The following ST18 variants were observed in gnomAD, a reference collection of about 807,000 sequenced individuals.
ST18 encodes suppression of tumorigenicity 18 protein.
Under a neutral mutation model 110.0 loss-of-function variants are expected in ST18, and 50 were observed. The ratio of observed to expected loss-of-function variants is 0.45; its 90% CI spans 0.36 to 0.58. The LOEUF (loss-of-function observed/expected upper bound fraction) is 0.58. Among genes scored for constraint, ST18 ranks in the 20% least tolerant of loss-of-function variants. The pLI, the probability that ST18 is intolerant of heterozygous loss-of-function variation, is 0.00. For missense variants in ST18, 1,306 were observed against 1,280.1 expected (o/e 1.02, Z -0.31); for synonymous variants, 461 against 452.4 (o/e 1.02, Z -0.24).
chr8:52,230,447 A>G lies in ST18; in HGVS notation c.-464-370T>C, dbSNP rs572008469. Among the ~76,000 whole-genome samples, 3 of 152,200 alleles carry G rather than the reference A, an allele frequency of 2.0e-5. No individual in the cohort carries two copies. The East Asian group carries it at 5.8e-4, about 29-fold the overall frequency. The stretch of plus-strand genomic sequence containing the variant: ...AAAAAGAATCAGTGGTTTAACACTA[A>G]TTTCTAATCAGATCCTACAGAAAGG... On this transcript the variant is annotated intron_variant, in intron 2 of 25. Transcript: ENST00000689386.
rs539627690 is a variant in ST18 at position 52,241,112 on chromosome 8, T to G, written c.-464-11035A>C. ...GACTCTTTACCAGTTTTCAAATGTATGTCCTGGGCTTGCCTCTCGCATAGG... is the reference window on the plus strand; with the variant it reads ...GACTCTTTACCAGTTTTCAAATGTAGGTCCTGGGCTTGCCTCTCGCATAGG... On this transcript the variant is annotated intron_variant, in intron 2 of 25. Coordinates refer to ENST00000689386, the MANE Select transcript of ST18 (RefSeq NM_001352837.2). Among the ~76,000 whole-genome samples, 8 of 152,366 alleles carry G rather than the reference T, an allele frequency of 5.3e-5. No homozygotes were observed. In the East Asian group the frequency reaches 5.8e-4, roughly 11 times the overall value.
At chr8:52,322,049 G>T (rs1353699569) in intron 2 of ST18, among the ~76,000 whole-genome samples, 2 of 152,204 alleles carry the variant, frequency 1.3e-5, no homozygotes, top group African/African-American at 4.8e-5. Flanking sequence ...CAACCATTCT[G>T]TACAATACAA....
At chr8:52,132,429 G>C (rs2050057191) in intron 21 of ST18, among the ~76,000 whole-genome samples, 1 of 152,166 alleles carries the variant, frequency 6.6e-6, no homozygotes, top group African/African-American at 2.4e-5. Flanking sequence ...AGCTTAGAGA[G>C]CTCAGGTAAC....
At chr8:52,235,367 G>A (rs1393550728) in intron 2 of ST18, among the ~76,000 whole-genome samples, 1 of 151,990 alleles carries the variant, frequency 6.6e-6, no homozygotes. Flanking sequence ...CAGAGCTCAC[G>A]GTCAGCTCCA....
At chr8:52,120,142 T>C (rs1311210383) in intron 23 of ST18, among the ~76,000 whole-genome samples, 3 of 152,148 alleles carry the variant, frequency 2.0e-5, no homozygotes, top group Admixed American at 6.5e-5. Flanking sequence ...TACTGGTTGG[T>C]GTGCAGGTAC....
chr8:52,291,556 A>T (rs1278971891), intron 2 of ST18, among the ~76,000 whole-genome samples: 1 of 152,228 alleles, frequency 6.6e-6, no homozygotes, highest in African/African-American at 2.4e-5. Flanking sequence ...TACATACATT[A>T]TACTCCAGAT....
At chr8:52,244,012 T>A (rs370964767) in intron 2 of ST18, among the ~76,000 whole-genome samples, 2 of 152,144 alleles carry the variant, frequency 1.3e-5, no homozygotes, top group Non-Finnish European at 2.9e-5. Context: ...TAATGGCCTG[T>A]GTGCTAACGC....
intron 24 of ST18, among the ~76,000 whole-genome samples, chr8:52,118,037 C>T (rs2043182759): frequency 6.6e-6 from 1 of 152,206 alleles, no homozygotes; most frequent in Admixed American, 6.5e-5. Flanking sequence ...CTTTCCATCA[C>T]ATTTTTTTTC....
intron 2 of ST18, among the ~76,000 whole-genome samples, chr8:52,278,630 G>GA (rs530549431): frequency 2.4e-4 from 36 of 152,032 alleles, no homozygotes; most frequent in Non-Finnish European, 4.3e-4. Flanking sequence ...AAGAGAACTA[G>GA]AAAAAAATCA....
At chr8:52,260,196 G>T (rs932402666) in intron 2 of ST18, among the ~76,000 whole-genome samples, 3 of 152,174 alleles carry the variant, frequency 2.0e-5, no homozygotes, top group African/African-American at 4.8e-5. Flanking sequence ...TTGCTGAGGA[G>T]TGTGGTGTAT....
chr8:52,302,229 C>T (rs1028166830), intron 2 of ST18, among the ~76,000 whole-genome samples: 14 of 152,218 alleles, frequency 9.2e-5, no homozygotes, highest in East Asian at 5.8e-4. Context: ...TTCAAAGCCA[C>T]GTCTCCCAGT....
chr8:52,257,888 T>G (rs2094573435), intron 2 of ST18, among the ~76,000 whole-genome samples: 2 of 152,216 alleles, frequency 1.3e-5, no homozygotes, highest in South Asian at 4.1e-4. Context: ...ATCTGTTTTC[T>G]TCCAAGAGTT....
chr8:52,325,490 A>G (rs1805896598), intron 2 of ST18, among the ~76,000 whole-genome samples: 1 of 152,198 alleles, frequency 6.6e-6, no homozygotes, highest in African/African-American at 2.4e-5. Context: ...TCTAAGAATG[A>G]CATATTCCCT....
chr8:52,266,595 G>A (rs919658340), intron 2 of ST18, among the ~76,000 whole-genome samples: 3 of 148,972 alleles, frequency 2.0e-5, no homozygotes, highest in Non-Finnish European at 4.4e-5. Context: ...AGGCTGGAGT[G>A]CAGTGGCGTG....
intron 22 of ST18, among the ~76,000 whole-genome samples, chr8:52,130,579 C>T (rs541980565): frequency 9.8e-5 from 15 of 152,310 alleles, no homozygotes; most frequent in Admixed American, 3.3e-4. Context: ...AGAGATCCTC[C>T]GGGCATAAGT....
At chr8:52,189,521 T>A (rs969275710) in intron 8 of ST18, among the ~76,000 whole-genome samples, 1 of 152,230 alleles carries the variant, frequency 6.6e-6, no homozygotes, top group African/African-American at 2.4e-5. Flanking sequence ...CTTGGCTTTT[T>A]GTCTCTGGGC....
intron 17 of ST18, 84 bp from the exon 18 acceptor site, chr8:52,137,567 G>A (rs2131812770): frequency 1.5e-6 from 2 of 1,349,142 alleles, no homozygotes; most frequent in Admixed American, 1.8e-5. Flanking sequence ...GGAGGAGGTA[G>A]CTTCTCTGTG....
At chr8:52,261,184 C>T (rs2094684183) in intron 2 of ST18, among the ~76,000 whole-genome samples, 1 of 152,172 alleles carries the variant, frequency 6.6e-6, no homozygotes, top group Non-Finnish European at 1.5e-5. Context: ...AAATCATTTG[C>T]AAAGACTTTT....
At chr8:52,338,725 C>CT (rs554492130) in intron 2 of ST18, among the ~76,000 whole-genome samples, 31 of 151,864 alleles carry the variant, frequency 2.0e-4, no homozygotes, top group South Asian at 1.7e-3. Flanking sequence ...CACCTGGCCT[C>CT]TTTTTTTTCT....
Sources: gnomAD v4.1 joint callset for allele counts (sites outside exome capture counted in the v4.1 genomes callset) on GRCh38, gnomAD v4.1.1 for gene constraint, MANE v1.5 for transcripts, NCBI Gene and HGNC (gene_info 2026-07-23, HGNC 2026-07-21) for gene names.